The following GLI2 variants were observed in gnomAD, a reference collection of about 807,000 sequenced individuals.
The protein encoded by GLI2 is GLI family zinc finger 2, also known as transcription activator GLI2.
In GLI2, 22 loss-of-function variants were observed where a neutral mutation model predicts 78.9. The ratio of observed to expected loss-of-function variants is 0.28; its 90% CI spans 0.20 to 0.40. The LOEUF (loss-of-function observed/expected upper bound fraction) is 0.40. Ranked by LOEUF, GLI2 falls within the 10% of genes least tolerant of loss-of-function variation. GLI2 has a pLI of 1.00. For missense variants in GLI2, 2,097 were observed against 2,213.2 expected, an observed-to-expected ratio of 0.95 and a Z score of 1.05; for synonymous variants, 974 against 963.7, an observed-to-expected ratio of 1.01 and a Z score of -0.20.
rs151326483 is a variant in GLI2, at chr2:120,885,263, A to G, written c.149-42098A>G. Among the ~76,000 whole-genome samples, 14 of 152,322 alleles carry G rather than the reference A, an allele frequency of 9.2e-5. No homozygotes were observed. The East Asian group carries it at 2.7e-3, about 29-fold the overall frequency. ...CCTGGCCCATGGAAGAGACCCAGTA[A>G]ATAGACACTGTCATTGTCACAGGGC... On this transcript the variant is annotated intron_variant, in intron 2 of 13. Transcript: ENST00000361492.
At chr2:120,779,605 T>C (rs1215504077) in intron 1 of GLI2, among the ~76,000 whole-genome samples, 2 of 152,236 alleles carry the variant, frequency 1.3e-5, no homozygotes, top group East Asian at 3.8e-4. Context: ...TAGACTCTTG[T>C]GGTTCAGTCA....
intron 2 of GLI2, among the ~76,000 whole-genome samples, chr2:120,839,234 A>C (rs1686753462): frequency 6.6e-6 from 1 of 152,232 alleles, no homozygotes; most frequent in Non-Finnish European, 1.5e-5. Flanking sequence ...TGTCAACGAT[A>C]TGTTAAGGAT....
In GLI2 at chr2:120,982,404, A is replaced by G. The variant is rs17005568; in HGVS notation, c.1468-312A>G. Among the ~76,000 whole-genome samples the G allele has an allele frequency of 0.015, 2,303 of 151,854 alleles. 55 individuals are homozygous for G. The highest frequency in any genetic ancestry group is 0.052 in the African/African-American group (2,149 of 41,420). ...CTGATTTAAAAAAATAGAGTATGTA[A>G]CTGAATACTTGACATGTTCCCAATT... On this transcript the variant is annotated intron_variant, in intron 10 of 13. Transcript: ENST00000361492.
intron 2 of GLI2, among the ~76,000 whole-genome samples, chr2:120,882,266 G>A (rs997367654): frequency 3.3e-5 from 5 of 152,156 alleles, no homozygotes; most frequent in African/African-American, 4.8e-5. Flanking sequence ...CAGCCAGGGC[G>A]TGAGGCCTTG....
chr2:120,754,331 A>G (rs1210263805), intron 1 of GLI2, among the ~76,000 whole-genome samples: 1 of 152,180 alleles, frequency 6.6e-6, no homozygotes, highest in African/African-American at 2.4e-5. Context: ...AAAAATGTAC[A>G]GTTTGATAAA....
At position 120,983,533 on chromosome 2, in the gene GLI2, T is replaced by C. The variant is rs539016008; in HGVS notation, c.1632+653T>C. 4.8e-4 allele frequency among the ~76,000 whole-genome samples: 73 copies of C among 152,328 alleles called. 1 individual carries two copies. In the South Asian group the frequency reaches 0.015, roughly 31 times the overall value. ...TTGGTAGCCCCCTGGCCTGTTGGCT[T>C]GGGCAGCCAGCAGTGACATGCTCCA... On this transcript the variant is annotated intron_variant, in intron 11 of 13. Coordinates refer to ENST00000361492, the MANE Select transcript of GLI2 (RefSeq NM_001374353.1).
chr2:120,844,193 C>T (rs1310277772), intron 2 of GLI2, among the ~76,000 whole-genome samples: 1 of 152,156 alleles, frequency 6.6e-6, no homozygotes. Context: ...TCTTTCCAGG[C>T]CATACGTATG....
chr2:120,897,227 C>A (rs1473308236), intron 2 of GLI2, among the ~76,000 whole-genome samples: 1 of 152,242 alleles, frequency 6.6e-6, no homozygotes, highest in East Asian at 1.9e-4. Flanking sequence ...GTGTTGACTT[C>A]CTGTTAGGGG....
chr2:120,954,699 T>G (rs948381559), intron 4 of GLI2, among the ~76,000 whole-genome samples: 1 of 152,150 alleles, frequency 6.6e-6, no homozygotes, highest in Non-Finnish European at 1.5e-5. Context: ...TCCTAAGACC[T>G]GGGCAGGGCT....
At chr2:120,983,878 G>C (rs1426215993) in intron 11 of GLI2, among the ~76,000 whole-genome samples, 1 of 152,134 alleles carries the variant, frequency 6.6e-6, no homozygotes, top group Non-Finnish European at 1.5e-5. Flanking sequence ...GCCTTAGAGG[G>C]GAGTGTGTGT....
chr2:120,850,356 C>T (rs939803303), intron 2 of GLI2, among the ~76,000 whole-genome samples: 3 of 152,118 alleles, frequency 2.0e-5, no homozygotes, highest in Admixed American at 6.5e-5. Flanking sequence ...CATCTACAAA[C>T]GAAGGAGGAC....
At chr2:120,915,571 T>A (rs1259106882) in intron 2 of GLI2, among the ~76,000 whole-genome samples, 1 of 152,042 alleles carries the variant, frequency 6.6e-6, no homozygotes, top group Non-Finnish European at 1.5e-5. Flanking sequence ...GGAAGGAGGT[T>A]TTCCATGATT....
intron 2 of GLI2, among the ~76,000 whole-genome samples, chr2:120,896,209 C>G (rs993101304): frequency 6.6e-6 from 1 of 152,176 alleles, no homozygotes; most frequent in Non-Finnish European, 1.5e-5. Context: ...ATTTCTCCCT[C>G]CCTTCTTTCC....
At chr2:120,853,522 G>A (rs1687505957) in intron 2 of GLI2, among the ~76,000 whole-genome samples, 1 of 152,152 alleles carries the variant, frequency 6.6e-6, no homozygotes, top group African/African-American at 2.4e-5. Context: ...GGGCTGGCAT[G>A]GGATTGCAAT....
intron 2 of GLI2, among the ~76,000 whole-genome samples, chr2:120,911,666 T>A (rs1678825410): frequency 6.6e-6 from 1 of 152,182 alleles, no homozygotes; most frequent in Non-Finnish European, 1.5e-5. Flanking sequence ...TGCCACTCGC[T>A]GGGCTGGTCG....
In GLI2 at chr2:120,879,512, G is replaced by A. The variant is rs185261851; in HGVS notation, c.149-47849G>A. ...CAGTGCAGTAGTTCCTCACCCGTGC[G>A]TGGGGAGGCAGCATGAGCAGTTAGG... On this transcript the variant is annotated intron_variant, in intron 2 of 13. Coordinates refer to ENST00000361492, the MANE Select transcript of GLI2 (RefSeq NM_001374353.1). Among the ~76,000 whole-genome samples, 39 of 152,308 alleles carry A rather than the reference G, an allele frequency of 2.6e-4. No individual in the cohort carries two copies. The East Asian group carries it at 7.2e-3, about 28-fold the overall frequency.
At chr2:120,814,678 A>G (rs959254848) in intron 2 of GLI2, among the ~76,000 whole-genome samples, 17 of 152,136 alleles carry the variant, frequency 1.1e-4, no homozygotes, top group Admixed American at 9.2e-4. Context: ...CAAGAACCCT[A>G]TTGTGAACTG....
At chr2:120,765,430 G>A (rs2104650294) in intron 1 of GLI2, among the ~76,000 whole-genome samples, 1 of 152,374 alleles carries the variant, frequency 6.6e-6, no homozygotes, top group East Asian at 1.9e-4. Flanking sequence ...ATCAACCCAG[G>A]GGAGTCAAAT....
chr2:120,904,236 G>C (rs1208310280), intron 2 of GLI2, among the ~76,000 whole-genome samples: 2 of 152,202 alleles, frequency 1.3e-5, no homozygotes, highest in Non-Finnish European at 2.9e-5. Flanking sequence ...TTACCTGTAG[G>C]ACACTGAGAT....
Sources: gnomAD v4.1 joint callset for allele counts (sites outside exome capture counted in the v4.1 genomes callset) on GRCh38, gnomAD v4.1.1 for gene constraint, MANE v1.5 for transcripts, NCBI Gene and HGNC (gene_info 2026-07-23, HGNC 2026-07-21) for gene names.